Variants in GABRA2 observed in about 807,000 individuals in gnomAD.
The protein encoded by GABRA2 is gamma-aminobutyric acid receptor subunit alpha-2.
A neutral mutation model predicts 48.7 loss-of-function variants in GABRA2; 16 were observed. The observed-to-expected ratio is 0.33, with a 90% CI of 0.22 to 0.50. The LOEUF (loss-of-function observed/expected upper bound fraction) is 0.50, where lower values mean the gene tolerates loss of function less well. GABRA2 is among the 20% of genes least tolerant of loss of function. The pLI, the probability that GABRA2 is intolerant of heterozygous loss-of-function variation, is 0.98. For missense variants in GABRA2, 275 were observed against 535.6 expected (o/e 0.51, Z 4.80); for synonymous variants, 185 against 184.5 (o/e 1.00, Z -0.02).
chr4:46,388,860 T>C, intron 1 of GABRA2, 144 bp from the exon 2 acceptor site: 1 of 1,379,064 alleles, frequency 7.3e-7, no homozygotes, highest in Non-Finnish European at 9.4e-7. Flanking sequence ...GTGTAGGACT[T>C]GATGATTGAG....
chr4:46,271,830 T>C (rs1719394087), intron 8 of GABRA2, among the ~76,000 whole-genome samples: 1 of 151,900 alleles, frequency 6.6e-6, no homozygotes, highest in Admixed American at 6.6e-5. Context: ...AGAGAAAGAC[T>C]TCACAATTTA....
intron 3 of GABRA2, among the ~76,000 whole-genome samples, chr4:46,356,921 C>A (rs946829259): frequency 1.3e-5 from 2 of 151,684 alleles, no homozygotes; most frequent in African/African-American, 4.8e-5. Context: ...ATCAGCTTTG[C>A]CACTTTCTCT....
chr4:46,332,143 A>G lies in GABRA2; in HGVS notation c.255+472T>C, dbSNP rs111751195. Among the ~76,000 whole-genome samples, 762 of 152,270 alleles carry G rather than the reference A, an allele frequency of 5.0e-3. 8 individuals carry two copies. Among genetic ancestry groups the G allele is most frequent in the African/African-American group, 0.018 (743 of 41,576 alleles). On this transcript the variant is annotated intron_variant, in intron 4 of 9. Coordinates refer to ENST00000381620, the MANE Select transcript of GABRA2 (RefSeq NM_000807.4). ...TATGTGTGCAGATTATACGTATTGT[A>G]TGTATGTAGATAGCATAACAAGGCA...
chr4:46,294,427 C>T (rs1054772328), intron 8 of GABRA2, among the ~76,000 whole-genome samples: 1 of 152,168 alleles, frequency 6.6e-6, no homozygotes, highest in African/African-American at 2.4e-5. Context: ...GCACATTGCT[C>T]AGTGGACCTA....
chr4:46,309,820 T>C (rs1040146019), intron 6 of GABRA2, among the ~76,000 whole-genome samples: 1 of 152,112 alleles, frequency 6.6e-6, no homozygotes, highest in Non-Finnish European at 1.5e-5. Context: ...ATCTATCCTT[T>C]CCAATTCATT....
intron 3 of GABRA2, among the ~76,000 whole-genome samples, chr4:46,336,620 A>G (rs1319142574): frequency 3.3e-5 from 5 of 152,244 alleles, no homozygotes; most frequent in African/African-American, 1.2e-4. Context: ...GATAACAGGT[A>G]CTTTAGGAGA....
chr4:46,278,307 A>G (rs1171602471), intron 8 of GABRA2, among the ~76,000 whole-genome samples: 1 of 152,160 alleles, frequency 6.6e-6, no homozygotes, highest in Non-Finnish European at 1.5e-5. Context: ...ATATGGTTCC[A>G]TGGATCATCT....
intron 8 of GABRA2, among the ~76,000 whole-genome samples, chr4:46,265,208 G>A (rs905496013): frequency 8.1e-5 from 12 of 149,064 alleles, no homozygotes; most frequent in Middle Eastern, 3.5e-3. Flanking sequence ...ACTAGTTTTC[G>A]TATTTTTAGT....
In GABRA2 at chr4:46,247,323, G is replaced by A. The variant is rs16859225; in HGVS notation, c.*2985C>T. On this transcript the variant is annotated 3_prime_UTR_variant, in exon 10 of 10. Coordinates refer to ENST00000381620, the MANE Select transcript of GABRA2 (RefSeq NM_000807.4). Reference sequence around the variant, plus strand: ...ATCCTAGCACACTAGTGGCATCATAGCTCATTAAAGAACTCCCAGTACTAA... The same window carrying A: ...ATCCTAGCACACTAGTGGCATCATAACTCATTAAAGAACTCCCAGTACTAA... Among the ~76,000 whole-genome samples the A allele has an allele frequency of 4.4e-3, 660 of 151,110 alleles. 3 individuals are homozygous for A. Among genetic ancestry groups the A allele is most frequent in the African/African-American group, 0.015 (622 of 41,378 alleles).
chr4:46,251,868 A>C (rs1486756912), intron 9 of GABRA2, among the ~76,000 whole-genome samples: 8 of 151,486 alleles, frequency 5.3e-5, no homozygotes, highest in African/African-American at 1.9e-4. Flanking sequence ...CACATAATAC[A>C]TCAGTGAAAT....
chr4:46,375,503 T>C (rs939045408), intron 3 of GABRA2, among the ~76,000 whole-genome samples: 29 of 152,304 alleles, frequency 1.9e-4, no homozygotes, highest in Admixed American at 5.9e-4. Flanking sequence ...GAAGTTTCTA[T>C]TGGAATTAAC....
rs1715752984 is a variant in GABRA2, at chr4:46,256,072, T to A, written c.1060-5468A>T. ...GCTTTTTCTACCATACCATGTTGCC[T>A]TTTTACAGTTATTGTGGCTACTAGA... On this transcript the variant is annotated intron_variant, in intron 9 of 9. Transcript: ENST00000381620. The A allele has an allele frequency of 1.8e-5, 8 of 432,552 alleles. No homozygotes were observed. The South Asian group carries it at 4.8e-4, about 26-fold the overall frequency. The allele number at this position is 432,552 out of a possible 1,614,324, so 26.8% of individuals were successfully genotyped here. A position where few individuals can be genotyped will look rare whatever the true frequency, so the allele number is the denominator to read the frequency against.
intron 9 of GABRA2, among the ~76,000 whole-genome samples, chr4:46,258,983 G>A (rs1420625272): frequency 6.6e-6 from 1 of 151,864 alleles, no homozygotes; most frequent in African/African-American, 2.4e-5. Flanking sequence ...GGGAGAAGCT[G>A]AGGATGTGGG....
chr4:46,307,737 T>C (rs1726945575), intron 6 of GABRA2, among the ~76,000 whole-genome samples: 1 of 152,094 alleles, frequency 6.6e-6, no homozygotes, highest in South Asian at 2.1e-4. Context: ...AGCTCAAGAG[T>C]TTATTAAAGA....
chr4:46,319,799 A>G (rs1212817841), intron 4 of GABRA2, among the ~76,000 whole-genome samples: 1 of 151,858 alleles, frequency 6.6e-6, no homozygotes, highest in East Asian at 1.9e-4. Context: ...ATTTTAACAG[A>G]AGATAATTAA....
chr4:46,286,466 G>C (rs1722561319), intron 8 of GABRA2, among the ~76,000 whole-genome samples: 1 of 151,942 alleles, frequency 6.6e-6, no homozygotes, highest in Non-Finnish European at 1.5e-5. Context: ...TCTATATTTA[G>C]AGGTAGAATT....
intron 3 of GABRA2, chr4:46,364,902 C>G (rs868766425): frequency 6.6e-6 from 1 of 152,180 alleles, no homozygotes; most frequent in Non-Finnish European, 1.5e-5. Flanking sequence ...AAACATGTGA[C>G]AAGAAATTTG....
At chr4:46,263,971 C>A in intron 8 of GABRA2, among the ~76,000 whole-genome samples, 1 of 150,052 alleles carries the variant, frequency 6.7e-6, no homozygotes, top group East Asian at 2.0e-4. Flanking sequence ...ATAAACATTT[C>A]CATTTATTTA....
intron 3 of GABRA2, among the ~76,000 whole-genome samples, chr4:46,359,806 A>T (rs2109951893): frequency 6.6e-6 from 1 of 152,044 alleles, no homozygotes; most frequent in East Asian, 1.9e-4. Context: ...AGTCCCAGCT[A>T]CTCAGGAGGC....
Sources: allele counts gnomAD v4.1 joint callset (sites outside exome capture counted in the v4.1 genomes callset), GRCh38; gene constraint gnomAD v4.1.1; transcripts MANE v1.5; gene names NCBI Gene and HGNC (gene_info 2026-07-23, HGNC 2026-07-21).